The following STS variants were observed in gnomAD, a reference collection of about 807,000 sequenced individuals.
STS encodes steroid sulfatase.
STS carries 7 observed loss-of-function variants against 26.8 expected under a neutral mutation model. The ratio of observed to expected loss-of-function variants is 0.26; its 90% confidence interval spans 0.15 to 0.49. The LOEUF (loss-of-function observed/expected upper bound fraction) is 0.49. STS is among the 20% of genes least tolerant of loss of function. STS has a pLI of 0.98. For missense variants in STS, 434 were observed against 465.6 expected, an observed-to-expected ratio of 0.93 and a Z score of 0.63; for synonymous variants, 199 against 189.4, an observed-to-expected ratio of 1.05 and a Z score of -0.42.
At chrX:7,222,716 G>A (rs769790520) in intron 2 of STS, among the ~76,000 whole-genome samples, 23 of 111,160 alleles carry the variant, frequency 2.1e-4, no homozygotes, top group African/African-American at 7.5e-4. Context: ...CTAAGAGATA[G>A]CATTCATTAT....
chrX:7,333,887 A>G, intron 9 of STS, 99 bp from the exon 10 acceptor site: 5 of 1,147,630 alleles, frequency 4.4e-6, no homozygotes, highest in East Asian at 3.0e-5. Flanking sequence ...TCTTTGTATT[A>G]ATTACGACTG....
chrX:7,270,430 T>C (rs1183507112), intron 6 of STS, among the ~76,000 whole-genome samples: 1 of 111,813 alleles, frequency 8.9e-6, no homozygotes, highest in Non-Finnish European at 1.9e-5. Flanking sequence ...ACCCCAGGTG[T>C]GTGCAGGAAA....
intron 3 of STS, 142 bp downstream of exon 3, chrX:7,253,478 A>G: frequency 2.4e-6 from 2 of 832,686 alleles, no homozygotes; most frequent in African/African-American, 4.0e-5. Context: ...ATGTAGATAC[A>G]CTGAGATGTA....
intron 6 of STS, among the ~76,000 whole-genome samples, chrX:7,263,422 A>T (rs1376978801): frequency 1.8e-5 from 2 of 112,618 alleles, no homozygotes; most frequent in Non-Finnish European, 3.7e-5. Flanking sequence ...ATGTGTACAT[A>T]TGTCTAGATA....
At chrX:7,284,468 G>A (rs1660682551) in intron 7 of STS, among the ~76,000 whole-genome samples, 1 of 111,656 alleles carries the variant, frequency 9.0e-6, no homozygotes, top group Non-Finnish European at 1.9e-5. Flanking sequence ...ATGTGCAGGG[G>A]GATGCACTTG....
At chrX:7,203,102 T>G (rs1039595269) in intron 2 of STS, among the ~76,000 whole-genome samples, 24 of 111,175 alleles carry the variant, frequency 2.2e-4, no homozygotes, top group African/African-American at 5.9e-4. Context: ...TGAGACACTC[T>G]TCATCTCTAG....
At position 7,353,038 on chromosome X, in the gene STS, A is replaced by G. The variant is rs1928869379; in HGVS notation, c.*2777A>G. 1 of 112,034 alleles carries G rather than the reference A, an allele frequency of 8.9e-6. No homozygotes were observed. 9.2% of individuals were successfully genotyped at this position (112,034 alleles called of 1,213,427 possible). On this transcript the variant is annotated 3_prime_UTR_variant, in exon 11 of 11. Coordinates refer to ENST00000674429, the MANE Select transcript of STS (RefSeq NM_001320752.2). Reference sequence around the variant, plus strand: ...ATTTAGAATATGTTAATGCAAAGCTAAAATAAAATTTTCCTTGGCAATTAA... The same window carrying G: ...ATTTAGAATATGTTAATGCAAAGCTGAAATAAAATTTTCCTTGGCAATTAA...
At chrX:7,235,717 G>C (rs1414274017) in intron 2 of STS, among the ~76,000 whole-genome samples, 1 of 111,684 alleles carries the variant, frequency 9.0e-6, no homozygotes, top group Non-Finnish European at 1.9e-5. Flanking sequence ...GCAGTGAGCT[G>C]TGATCATGCC....
chrX:7,248,133 A>G (rs781706058), intron 2 of STS, among the ~76,000 whole-genome samples: 25 of 112,353 alleles, frequency 2.2e-4, no homozygotes, highest in East Asian at 5.6e-4. Flanking sequence ...TGTATATTCT[A>G]TCATTTGCAG....
intron 2 of STS, among the ~76,000 whole-genome samples, chrX:7,202,110 A>G (rs1442693170): frequency 1.8e-5 from 2 of 111,836 alleles, no homozygotes; most frequent in Non-Finnish European, 3.8e-5. Context: ...ATCTGTGTGT[A>G]TATATAAATA....
At chrX:7,201,602 G>A (rs1934074084) in intron 2 of STS, among the ~76,000 whole-genome samples, 1 of 109,452 alleles carries the variant, frequency 9.1e-6, no homozygotes. Context: ...TGGGAGGTAT[G>A]TTCTTTCATC....
At chrX:7,256,927 G>A (rs1385457178) in intron 3 of STS, among the ~76,000 whole-genome samples, 1 of 112,011 alleles carries the variant, frequency 8.9e-6, no homozygotes, top group African/African-American at 3.3e-5. Flanking sequence ...AAGTTTCCCA[G>A]TATAAAGAGC....
chrX:7,321,988 A>C (rs1324030742), intron 8 of STS, among the ~76,000 whole-genome samples: 1 of 112,435 alleles, frequency 8.9e-6, no homozygotes, highest in Non-Finnish European at 1.9e-5. Flanking sequence ...TTGGTCATAT[A>C]GGGGCCACAG....
intron 10 of STS, among the ~76,000 whole-genome samples, chrX:7,343,117 G>A (rs1468254300): frequency 9.0e-6 from 1 of 111,190 alleles, no homozygotes; most frequent in Non-Finnish European, 1.9e-5. Flanking sequence ...GGTACATGCT[G>A]CCAAGACTGA....
chrX:7,237,478 G>A (rs1220315840), intron 2 of STS, among the ~76,000 whole-genome samples: 3 of 111,806 alleles, frequency 2.7e-5, no homozygotes, highest in Admixed American at 9.5e-5. Flanking sequence ...GTTCATCTGT[G>A]TATTGCATAT....
At chrX:7,259,301 A>G (rs1923602335) in intron 5 of STS, 48 bp from the exon 6 acceptor site, 6 of 1,125,710 alleles carry the variant, frequency 5.3e-6, no homozygotes, top group South Asian at 1.8e-5. Context: ...TTGGATTGGA[A>G]TCAGGGTGTT....
chrX:7,239,342 A>G (rs1389874464), intron 2 of STS, among the ~76,000 whole-genome samples: 2 of 111,954 alleles, frequency 1.8e-5, no homozygotes, highest in Non-Finnish European at 3.8e-5. Flanking sequence ...CCTTGGATTG[A>G]ACGAAGCTGC....
At chrX:7,182,931 A>G (rs1417670948) in intron 1 of STS, among the ~76,000 whole-genome samples, 1 of 111,240 alleles carries the variant, frequency 9.0e-6, no homozygotes, top group Non-Finnish European at 1.9e-5. Flanking sequence ...TAATTAGCCA[A>G]GTTAAGATGA....
chrX:7,336,245 C>CA lies in STS; in HGVS notation c.1363+2138_1363+2139insA, dbSNP rs373162769. Among the ~76,000 whole-genome samples the CA allele has an allele frequency of 1.9e-3, 193 of 103,468 alleles. 2 individuals are homozygous for CA. The highest frequency in any genetic ancestry group is 1.6e-3 in the African/African-American group (47 of 28,555). The allele number at this position is 103,468 out of a possible 115,157, so 89.8% of individuals were successfully genotyped here. A position where few individuals can be genotyped will look rare whatever the true frequency, so the allele number is the denominator to read the frequency against. On this transcript the variant is annotated intron_variant, in intron 10 of 10. Coordinates refer to ENST00000674429, the MANE Select transcript of STS (RefSeq NM_001320752.2). ...GCTTCTAGAACCTAGGACTGCCCCC[C>CA]CCACCCGCCCCAAAGGAGGGGTGTG...
Sources: gnomAD v4.1 joint callset for allele counts (sites outside exome capture counted in the v4.1 genomes callset) on GRCh38, gnomAD v4.1.1 for gene constraint, MANE v1.5 for transcripts, NCBI Gene and HGNC (gene_info 2026-07-23, HGNC 2026-07-21) for gene names.